The following EHBP1 variants were observed in gnomAD, a reference collection of about 807,000 sequenced individuals.
EHBP1 encodes the protein EH domain binding protein 1.
In EHBP1, 55 loss-of-function variants were observed where a neutral mutation model predicts 144.0. That is an observed-to-expected ratio of 0.38 (90% CI 0.31 to 0.48). The LOEUF (loss-of-function observed/expected upper bound fraction) is 0.48, where lower values mean the gene tolerates loss of function less well. Among genes scored for constraint, EHBP1 ranks in the 20% least tolerant of loss-of-function variants. EHBP1 has a pLI of 0.98. For missense variants in EHBP1, 1,200 were observed against 1,364.2 expected, an observed-to-expected ratio of 0.88 and a Z score of 1.90; for synonymous variants, 469 against 472.7, an observed-to-expected ratio of 0.99 and a Z score of 0.10.
chr2:62,995,252 A>G (rs576305561), intron 18 of EHBP1, among the ~76,000 whole-genome samples: 42 of 152,034 alleles, frequency 2.8e-4, no homozygotes, highest in Non-Finnish European at 5.7e-4. Flanking sequence ...AATTTTTTAA[A>G]AATACAGTGA....
At chr2:63,006,749 G>C (rs1262349418) in intron 19 of EHBP1, among the ~76,000 whole-genome samples, 2 of 151,504 alleles carry the variant, frequency 1.3e-5, no homozygotes, top group Admixed American at 1.3e-4. Flanking sequence ...CATTTTTCCT[G>C]AAAAATTTTA....
At chr2:63,010,169 C>G (rs1025891227) in intron 19 of EHBP1, among the ~76,000 whole-genome samples, 2 of 150,502 alleles carry the variant, frequency 1.3e-5, no homozygotes, top group African/African-American at 4.9e-5. Flanking sequence ...TATAATACTA[C>G]CACGTAACTA....
At chr2:63,018,320 T>C (rs2060569871) in intron 19 of EHBP1, among the ~76,000 whole-genome samples, 2 of 152,216 alleles carry the variant, frequency 1.3e-5, no homozygotes, top group South Asian at 4.1e-4. Flanking sequence ...TATCATACTT[T>C]CAAGTCTTCT....
chr2:62,947,637 A>C (rs1039037034), intron 12 of EHBP1, among the ~76,000 whole-genome samples: 2 of 152,330 alleles, frequency 1.3e-5, no homozygotes, highest in South Asian at 2.1e-4. Context: ...GATGTGCCAC[A>C]GTCATTTAAA....
intron 7 of EHBP1, among the ~76,000 whole-genome samples, chr2:62,841,548 A>C (rs1472082863): frequency 6.6e-6 from 1 of 152,186 alleles, no homozygotes. Context: ...AGAATGAGAG[A>C]TGCAGTATGA....
At chr2:63,021,018 T>C (rs2060721058) in intron 19 of EHBP1, among the ~76,000 whole-genome samples, 1 of 132,196 alleles carries the variant, frequency 7.6e-6, no homozygotes, top group Non-Finnish European at 1.6e-5. Flanking sequence ...AGACAAGGTC[T>C]CTCTATGTTG....
At chr2:62,957,815 T>C (rs2057787419) in intron 14 of EHBP1, among the ~76,000 whole-genome samples, 1 of 151,766 alleles carries the variant, frequency 6.6e-6, no homozygotes, top group Non-Finnish European at 1.5e-5. Flanking sequence ...CTGGCTAATG[T>C]TTTTGTATTT....
chr2:62,697,175 T>G (rs1433962296), intron 1 of EHBP1, among the ~76,000 whole-genome samples: 1 of 152,252 alleles, frequency 6.6e-6, no homozygotes, highest in Non-Finnish European at 1.5e-5. Context: ...CATGTGTTAG[T>G]TTTGCATATT....
chr2:62,779,679 A>G (rs1025647969), intron 5 of EHBP1, among the ~76,000 whole-genome samples: 5 of 152,148 alleles, frequency 3.3e-5, no homozygotes, highest in Non-Finnish European at 7.4e-5. Context: ...ACCCTTTTGG[A>G]TTTCTAAATA....
At chr2:62,786,766 A>G (rs1227506618) in intron 5 of EHBP1, among the ~76,000 whole-genome samples, 2 of 152,164 alleles carry the variant, frequency 1.3e-5, no homozygotes, top group Non-Finnish European at 2.9e-5. Context: ...CTTTAAGCCT[A>G]TGTGTTAGGT....
In EHBP1 at chr2:63,014,867, A is replaced by G. The variant is rs4671456; in HGVS notation, c.3103+18101A>G. On this transcript the variant is annotated intron_variant, in intron 19 of 22. Coordinates refer to ENST00000431489, the MANE Select transcript of EHBP1 (RefSeq NM_001142616.3). ...GTGGCGCATGCCTGTAATCCCAGCTACTCGGGAGGCTGAGGCAGGAGAATC... is the reference window on the plus strand; with the variant it reads ...GTGGCGCATGCCTGTAATCCCAGCTGCTCGGGAGGCTGAGGCAGGAGAATC... Among the ~76,000 whole-genome samples, 332 of 152,150 alleles carry G rather than the reference A, an allele frequency of 2.2e-3. 1 individual carries two copies. The highest frequency in any genetic ancestry group is 0.021 in the East Asian group (109 of 5,172).
intron 7 of EHBP1, among the ~76,000 whole-genome samples, chr2:62,832,132 A>G (rs1486269980): frequency 2.6e-5 from 4 of 152,104 alleles, no homozygotes; most frequent in Non-Finnish European, 4.4e-5. Flanking sequence ...ATTTTGATTT[A>G]TTATTTGGCC....
At chr2:62,975,887 TACACACACACACACACACACAC>T (rs57375651) in intron 14 of EHBP1, among the ~76,000 whole-genome samples, 13 of 123,750 alleles carry the variant, frequency 1.1e-4, no homozygotes, top group East Asian at 7.6e-4. Flanking sequence ...TTACTGTATG[TACACACACACACACACACACAC>T]ACACACACAC....
At chr2:62,812,606 G>T (rs1156657029) in intron 5 of EHBP1, among the ~76,000 whole-genome samples, 1 of 152,078 alleles carries the variant, frequency 6.6e-6, no homozygotes, top group South Asian at 2.1e-4. Flanking sequence ...GAGGAAGAAG[G>T]TATTGGGTAC....
chr2:62,877,287 A>G lies in EHBP1; in HGVS notation c.1185+2755A>G, dbSNP rs372949834. 4.6e-5 allele frequency among the ~76,000 whole-genome samples: 7 copies of G among 152,240 alleles called. No individual in the cohort carries two copies. In the East Asian group the frequency reaches 7.7e-4, roughly 17 times the overall value. ...GGCATTACATAATGGTAAGGGGTTC[A>G]ATTCAATAAGAAGGCTTAGCTATCC... On this transcript the variant is annotated intron_variant, in intron 10 of 22. Transcript: ENST00000431489.
intron 1 of EHBP1, among the ~76,000 whole-genome samples, chr2:62,689,222 G>C (rs747726426): frequency 2.0e-5 from 3 of 152,182 alleles, no homozygotes; most frequent in Non-Finnish European, 4.4e-5. Flanking sequence ...TCAGTGAGCT[G>C]TGGAAACAAG....
intron 1 of EHBP1, among the ~76,000 whole-genome samples, chr2:62,680,288 T>A (rs899472602): frequency 2.0e-5 from 3 of 152,188 alleles, no homozygotes; most frequent in African/African-American, 7.2e-5. Context: ...TCCTCATCCC[T>A]CACACTGTTC....
chr2:62,984,513 G>T (rs971588519), intron 15 of EHBP1, among the ~76,000 whole-genome samples: 6 of 152,150 alleles, frequency 3.9e-5, no homozygotes, highest in African/African-American at 1.4e-4. Flanking sequence ...TAACCATAAA[G>T]ATATATTTAT....
rs2034132315 is a variant in EHBP1 at position 62,697,253 on chromosome 2, TA to T, written c.-295-9639del. Among the ~76,000 whole-genome samples, 11 of 152,336 alleles carry T rather than the reference TA, an allele frequency of 7.2e-5. No homozygotes were observed. In the South Asian group the frequency reaches 2.3e-3, roughly 32 times the overall value. Reference sequence around the variant, plus strand: ...ATCAATGTCTCTATTCAGTAAATCATAAAAATAATAATGTAAATACTACAAT... The same window carrying T: ...ATCAATGTCTCTATTCAGTAAATCATAAAATAATAATGTAAATACTACAAT... On this transcript the variant is annotated intron_variant, in intron 1 of 22. Coordinates refer to the EHBP1 transcript ENST00000405015.
Sources: gnomAD v4.1 joint callset for allele counts (sites outside exome capture counted in the v4.1 genomes callset) on GRCh38, gnomAD v4.1.1 for gene constraint, MANE v1.5 for transcripts, NCBI Gene and HGNC (gene_info 2026-07-23, HGNC 2026-07-21) for gene names.